The following IL31RA variants were observed in gnomAD, a reference collection of about 807,000 sequenced individuals.
IL31RA encodes interleukin 31 receptor A.
IL31RA carries 66 observed loss-of-function variants against 83.7 expected under a neutral mutation model. That is an observed-to-expected ratio of 0.79 (90% CI 0.65 to 0.97). The LOEUF (loss-of-function observed/expected upper bound fraction) is 0.97. IL31RA is among the 50% of genes least tolerant of loss of function. IL31RA has a pLI of 0.00. For missense variants in IL31RA, 798 were observed against 919.4 expected (o/e 0.87, Z 1.71); for synonymous variants, 325 against 329.0 (o/e 0.99, Z 0.13).
chr5:55,889,552 A>G (rs532404077), intron 5 of IL31RA, among the ~76,000 whole-genome samples: 10 of 152,222 alleles, frequency 6.6e-5, no homozygotes, highest in Non-Finnish European at 1.3e-4. Context: ...TGACGTGAGG[A>G]TTGCATTTGA....
At chr5:55,907,257 A>C in intron 9 of IL31RA, 102 bp from the exon 10 acceptor site, 2 of 736,342 alleles carry the variant, frequency 2.7e-6, no homozygotes, top group Non-Finnish European at 4.9e-6. Context: ...CTGTAGAGAA[A>C]TGGAATATCT....
At chr5:55,875,678 T>C (rs1320700740) in intron 4 of IL31RA, among the ~76,000 whole-genome samples, 1 of 152,230 alleles carries the variant, frequency 6.6e-6, no homozygotes, top group East Asian at 1.9e-4. Flanking sequence ...TTAAAATAAA[T>C]GTATTATTAC....
intron 4 of IL31RA, 150 bp from the exon 5 acceptor site, chr5:55,882,893 GA>G (rs1747330559): frequency 2.9e-6 from 2 of 690,336 alleles, no homozygotes; most frequent in African/African-American, 3.6e-5. Context: ...TTGGGGGGGT[GA>G]CATTCCTTTT....
At chr5:55,844,046 A>T in the IL31RA span, among the ~76,000 whole-genome samples, 2 of 152,198 alleles carry the variant, frequency 1.3e-5, no homozygotes, top group Admixed American at 1.3e-4. Context: ...CATGGGGTAC[A>T]TGTGCCAGTT....
At chr5:55,899,108 G>T (rs2112521478) in intron 7 of IL31RA, among the ~76,000 whole-genome samples, 1 of 152,276 alleles carries the variant, frequency 6.6e-6, no homozygotes, top group Middle Eastern at 3.4e-3. Context: ...GATTCTAGCT[G>T]ACCTTTTATG....
At chr5:55,870,531 G>C (rs1199010243) in intron 3 of IL31RA, among the ~76,000 whole-genome samples, 1 of 152,064 alleles carries the variant, frequency 6.6e-6, no homozygotes, top group Non-Finnish European at 1.5e-5. Flanking sequence ...CTATTTTTCT[G>C]TCTTATAGAG....
intron 9 of IL31RA, among the ~76,000 whole-genome samples, chr5:55,907,013 C>A (rs777706808): frequency 4.6e-5 from 7 of 152,182 alleles, no homozygotes; most frequent in Non-Finnish European, 7.3e-5. Flanking sequence ...TGTTTGAGAT[C>A]CACAGGGTGA....
In IL31RA at chr5:55,917,652, G is replaced by A. The variant is rs1366492573; in HGVS notation, c.*532G>A. Among the ~76,000 whole-genome samples, 1 of 152,224 alleles carries A rather than the reference G, an allele frequency of 6.6e-6. No homozygotes were observed. Among genetic ancestry groups the A allele is most frequent in the African/African-American group, 2.4e-5 (1 of 41,470 alleles). The stretch of plus-strand genomic sequence containing the variant: ...CCCCATAGTTGGGGCTGGAGGTGGA[G>A]TGGACCTTCCTAAGGGGTTGTCTGA... On this transcript the variant is annotated 3_prime_UTR_variant, in exon 15 of 15. Transcript: ENST00000652347.
upstream of IL31RA, chr5:55,851,242 A>C: frequency 2.5e-6 from 1 of 404,904 alleles, no homozygotes; most frequent in Non-Finnish European, 4.6e-6. Flanking sequence ...CTGTTTAAAG[A>C]CACCTTATTT....
intron 6 of IL31RA, among the ~76,000 whole-genome samples, chr5:55,894,133 T>C (rs2112490608): frequency 6.6e-6 from 1 of 152,280 alleles, no homozygotes; most frequent in South Asian, 2.1e-4. Flanking sequence ...ATTTTTTTTT[T>C]TTTCTTACTC....
chr5:55,894,218 A>T (rs1748196263), intron 6 of IL31RA, among the ~76,000 whole-genome samples: 1 of 151,982 alleles, frequency 6.6e-6, no homozygotes, highest in Non-Finnish European at 1.5e-5. Context: ...AGATGGAGTA[A>T]AGGTCCCTCT....
intron 9 of IL31RA, 84 bp from the exon 10 acceptor site, chr5:55,907,275 G>T: frequency 1.3e-6 from 1 of 789,182 alleles, no homozygotes; most frequent in Non-Finnish European, 2.2e-6. Flanking sequence ...TCTTCTATAA[G>T]TGTTTGGCCA....
chr5:55,893,515 G>A (rs906805772), intron 6 of IL31RA, among the ~76,000 whole-genome samples: 3 of 152,078 alleles, frequency 2.0e-5, no homozygotes, highest in African/African-American at 7.2e-5. Flanking sequence ...TGGTTGATTT[G>A]GAAAATTTTA....
chr5:55,856,748 C>T (rs1745388229), intron 1 of IL31RA, among the ~76,000 whole-genome samples: 1 of 152,126 alleles, frequency 6.6e-6, no homozygotes, highest in Non-Finnish European at 1.5e-5. Context: ...GTCTTTCGCT[C>T]CAGTGACAGG....
At chr5:55,916,582 T>G in intron 14 of IL31RA, 62 bp from the exon 15 acceptor site, 2 of 1,419,698 alleles carry the variant, frequency 1.4e-6, no homozygotes, top group Non-Finnish European at 2.0e-6. Flanking sequence ...CCTAACGAGT[T>G]TTTGGCTATG....
chr5:55,901,672 A>G (rs998676456), intron 8 of IL31RA, among the ~76,000 whole-genome samples: 4 of 151,264 alleles, frequency 2.6e-5, no homozygotes, highest in African/African-American at 4.9e-5. Flanking sequence ...CTGGAGTGCA[A>G]TGGTGTGATC....
chr5:55,854,967 C>T (rs375314248), intron 1 of IL31RA, among the ~76,000 whole-genome samples: 1 of 152,076 alleles, frequency 6.6e-6, no homozygotes, highest in South Asian at 2.1e-4. Flanking sequence ...AACAGGGCAC[C>T]CTTCTACTTG....
At chr5:55,900,163 G>C in intron 8 of IL31RA, 31 bp downstream of exon 8, 1 of 1,498,716 alleles carries the variant, frequency 6.7e-7, no homozygotes, top group Non-Finnish European at 9.3e-7. Context: ...TTCCTTAGGT[G>C]CCTGGTCCCA....
intron 4 of IL31RA, among the ~76,000 whole-genome samples, chr5:55,872,980 A>G (rs970590418): frequency 6.6e-6 from 1 of 152,112 alleles, no homozygotes; most frequent in Admixed American, 6.5e-5. Flanking sequence ...TGTATTCACA[A>G]AGTTGTACAT....
Sources: allele counts gnomAD v4.1 joint callset (sites outside exome capture counted in the v4.1 genomes callset), GRCh38; gene constraint gnomAD v4.1.1; transcripts MANE v1.5; gene names NCBI Gene and HGNC (gene_info 2026-07-23, HGNC 2026-07-21).